ITGB6: variants seen among roughly 807,000 people sequenced by gnomAD.
ITGB6 encodes the protein integrin subunit beta 6, also known as integrin beta-6.
ITGB6 carries 80 observed loss-of-function variants against 84.5 expected under a neutral mutation model. That is an observed-to-expected ratio of 0.95 (90% confidence interval 0.79 to 1.14). ITGB6 has a LOEUF of 1.14. Ranked by LOEUF, ITGB6 falls within the 50% of genes most tolerant of loss-of-function variation. The pLI is 0.00. For missense variants in ITGB6, 1,006 were observed against 968.0 expected (o/e 1.04, Z -0.52); for synonymous variants, 383 against 354.9 (o/e 1.08, Z -0.89).
At chr2:160,120,731 G>A (rs12475899) in intron 12 of ITGB6, among the ~76,000 whole-genome samples, 37,778 of 73,934 alleles carry the variant, frequency 0.51, 9,931 homozygotes, top group Non-Finnish European at 0.56. Context: ...CTATGCAGCC[G>A]TAAAAAATGA....
intron 10 of ITGB6, among the ~76,000 whole-genome samples, chr2:160,130,369 C>T (rs546774907): frequency 3.3e-5 from 5 of 152,008 alleles, no homozygotes; most frequent in African/African-American, 7.2e-5. Context: ...CATACACACA[C>T]GTATGTATAG....
At chr2:160,196,947 G>A (rs1574152379) in intron 2 of ITGB6, among the ~76,000 whole-genome samples, 1 of 152,000 alleles carries the variant, frequency 6.6e-6, no homozygotes, top group Admixed American at 6.6e-5. Flanking sequence ...TTCCTAAAGG[G>A]TAGGGATTGC....
intron 14 of ITGB6, among the ~76,000 whole-genome samples, chr2:160,102,413 GACAGCTA>G (rs1696754685): frequency 6.6e-6 from 1 of 152,224 alleles, no homozygotes; most frequent in African/African-American, 2.4e-5. Flanking sequence ...CCATCCTCTG[GACAGCTA>G]ACACTTGCCC....
intron 4 of ITGB6, among the ~76,000 whole-genome samples, chr2:160,184,062 T>G (rs1178976349): frequency 2.6e-5 from 4 of 151,874 alleles, no homozygotes; most frequent in Admixed American, 2.6e-4. Context: ...ACATCACAAT[T>G]AAAAGAACTA....
intron 12 of ITGB6, among the ~76,000 whole-genome samples, chr2:160,113,812 T>C (rs1682635154): frequency 6.6e-6 from 1 of 152,238 alleles, no homozygotes; most frequent in Non-Finnish European, 1.5e-5. Flanking sequence ...GCATATATAA[T>C]TCATACGTTG....
At chr2:160,199,315 A>G in intron 1 of ITGB6, 57 bp from the exon 2 acceptor site, 1 of 1,242,834 alleles carries the variant, frequency 8.0e-7, no homozygotes, top group Non-Finnish European at 1.2e-6. Flanking sequence ...CATTCCATTT[A>G]TGAGACTGAT....
At chr2:160,102,658 A>T (rs966478415) in intron 14 of ITGB6, among the ~76,000 whole-genome samples, 1 of 152,222 alleles carries the variant, frequency 6.6e-6, no homozygotes, top group African/African-American at 2.4e-5. Context: ...TGCCAATAGC[A>T]GTGGTGCTGT....
chr2:160,137,870 A>G lies in ITGB6; in HGVS notation c.1243-19T>C. ...AGGAAGCCTGGAAAAGAAAATACTA[A>G]TTATCTCCCTCCATCCACCAAAATG... On this transcript the variant is annotated intron_variant, in intron 9 of 14. Transcript: ENST00000283249. The G allele has an allele frequency of 6.2e-7, 1 of 1,608,772 alleles. No homozygotes were observed. The highest frequency in any genetic ancestry group is 8.5e-7 in the Non-Finnish European group (1 of 1,176,060).
rs140918741 is a variant in ITGB6 at position 160,132,776 on chromosome 2, C to T, written c.1660+4658G>A. ...TTTACAATAGTCATATACAATATAT[C>T]GTTAAACTATAGCGATTTTACATCT... On this transcript the variant is annotated intron_variant, in intron 10 of 14. Transcript: ENST00000283249. Among the ~76,000 whole-genome samples, 1,310 of 152,136 alleles carry T rather than the reference C, an allele frequency of 8.6e-3. 24 individuals are homozygous for T. Among genetic ancestry groups the T allele is most frequent in the African/African-American group, 0.03 (1,261 of 41,514 alleles).
chr2:160,143,486 A>G (rs866711533), intron 7 of ITGB6, among the ~76,000 whole-genome samples: 1 of 152,008 alleles, frequency 6.6e-6, no homozygotes, highest in Non-Finnish European at 1.5e-5. Flanking sequence ...TCATTTATCT[A>G]TTTACTATTG....
intron 7 of ITGB6, among the ~76,000 whole-genome samples, chr2:160,151,985 C>G (rs1348402548): frequency 6.6e-6 from 1 of 152,160 alleles, no homozygotes; most frequent in Non-Finnish European, 1.5e-5. Flanking sequence ...AGTCCAGGAT[C>G]AGACGAATTC....
intron 4 of ITGB6, among the ~76,000 whole-genome samples, chr2:160,194,555 A>C (rs1686260912): frequency 6.6e-6 from 1 of 151,996 alleles, no homozygotes; most frequent in East Asian, 1.9e-4. Context: ...ACTTCCTCTG[A>C]GTATAGGGCT....
chr2:160,137,850 G>A lies in ITGB6; in HGVS notation c.1244C>T (p.Ala415Val), dbSNP rs1683819671. The change falls in exon 10 of 15, where the codon GCT (alanine) becomes GTT (valine). Residue 415 changes from alanine (A) to valine (V), a missense_variant and splice_region_variant. Transcript: ENST00000283249. Reference protein sequence around the residue: ...KCSHMKVGDTASFSVTVNIPH... With the variant: ...KCSHMKVGDTVSFSVTVNIPH... Reference sequence around the variant, plus strand: ...GATATTCACAGTCACGCTGAAGGAAGCCTGGAAAAGAAAATACTAATTATC... The same window carrying A: ...GATATTCACAGTCACGCTGAAGGAAACCTGGAAAAGAAAATACTAATTATC... 1.2e-6 allele frequency: 2 copies of A among 1,612,124 alleles called. No homozygotes were observed. The highest frequency in any genetic ancestry group is 1.7e-6 in the Non-Finnish European group (2 of 1,178,586).
chr2:160,177,583 A>C (rs1266569836), intron 4 of ITGB6, among the ~76,000 whole-genome samples: 1 of 151,872 alleles, frequency 6.6e-6, no homozygotes, highest in Non-Finnish European at 1.5e-5. Flanking sequence ...AAAAAAAAAA[A>C]GAACCATCCT....
rs777145845 is a variant in ITGB6, at chr2:160,126,463, C to T, written c.1799G>A (p.Gly600Asp). 9 of 1,614,070 alleles carry T rather than the reference C, an allele frequency of 5.6e-6. No individual in the cohort carries two copies. Among genetic ancestry groups the T allele is most frequent in the South Asian group, 1.1e-5 (1 of 91,090 alleles). ...LCSGRGDCVC[G>D]KCVCTNPGAS... ...TCCAGGGTTTGTGCAAACACACTTG[C>T]CACAAACACAGTCCCCGCGCCCGCT... is the stretch of plus-strand genomic sequence containing the variant. The change falls in exon 11 of 15, where the codon GGC (glycine) becomes GAC (aspartate). Residue 600 changes from glycine to aspartate, a missense_variant. Gly to Asp is a moderately conservative substitution (Grantham distance 94). Coordinates refer to ENST00000283249, the MANE Select transcript of ITGB6 (RefSeq NM_000888.5).
chr2:160,126,944 G>T (rs1193931510), intron 10 of ITGB6, among the ~76,000 whole-genome samples: 6 of 152,118 alleles, frequency 3.9e-5, no homozygotes, highest in East Asian at 1.9e-4. Flanking sequence ...ACTAGTCCAG[G>T]CCGTGATGAG....
At chr2:160,162,362 G>C (rs1684851114) in intron 7 of ITGB6, among the ~76,000 whole-genome samples, 2 of 151,946 alleles carry the variant, frequency 1.3e-5, no homozygotes, top group African/African-American at 4.8e-5. Flanking sequence ...GTACATATAT[G>C]TGTACATATA....
intron 12 of ITGB6, among the ~76,000 whole-genome samples, chr2:160,122,400 C>T (rs1559109531): frequency 6.6e-6 from 1 of 152,066 alleles, no homozygotes; most frequent in Non-Finnish European, 1.5e-5. Context: ...TTCCTCAACA[C>T]ATTAGATTTC....
In ITGB6 at chr2:160,177,570, C is replaced by CA. The variant is rs1330102516; in HGVS notation, c.594-3432dup. On this transcript the variant is annotated intron_variant, in intron 4 of 14. Coordinates refer to ENST00000283249, the MANE Select transcript of ITGB6 (RefSeq NM_000888.5). The stretch of plus-strand genomic sequence containing the variant: ...TGGGCGATAGAGCAAGATTCTGTCT[C>CA]AAAAAAAAAAAAAGAACCATCCTAA... Among the ~76,000 whole-genome samples, 1,122 of 129,952 alleles carry CA rather than the reference C, an allele frequency of 8.6e-3. 8 individuals carry two copies. The highest frequency in any genetic ancestry group is 0.026 in the African/African-American group (919 of 35,354). 85.3% of individuals were successfully genotyped at this position (129,952 alleles called of 152,430 possible). A position where few individuals can be genotyped will look rare whatever the true frequency, so the allele number is the denominator to read the frequency against.
Sources: gnomAD v4.1 joint callset for allele counts (sites outside exome capture counted in the v4.1 genomes callset) on GRCh38, gnomAD v4.1.1 for gene constraint, MANE v1.5 for transcripts, NCBI Gene and HGNC (gene_info 2026-07-23, HGNC 2026-07-21) for gene names.